The following ARMC8 variants were observed in gnomAD, a reference collection of about 807,000 sequenced individuals.
ARMC8 encodes armadillo repeat containing 8.
A neutral mutation model predicts 99.3 loss-of-function variants in ARMC8; 20 were observed. The ratio of observed to expected loss-of-function variants is 0.20; its 90% CI spans 0.14 to 0.29. The LOEUF (loss-of-function observed/expected upper bound fraction) is 0.29, where lower values mean the gene tolerates loss of function less well. ARMC8 is among the 10% of genes least tolerant of loss of function. The pLI is 1.00. For synonymous variants in ARMC8, 263 were observed against 278.3 expected (o/e 0.95, Z 0.55); for missense variants, 569 against 809.5 (o/e 0.70, Z 3.60).
rs115446752 is a variant in ARMC8, at chr3:138,249,926, C to T, written c.1134+4743C>T. Reference sequence around the variant, plus strand: ...TTTATCCATGGAGCTATCCTTGAGTCAATTTGGAATTTAATAGCTTAATTT... The same window carrying T: ...TTTATCCATGGAGCTATCCTTGAGTTAATTTGGAATTTAATAGCTTAATTT... On this transcript the variant is annotated intron_variant, in intron 12 of 21. Coordinates refer to ENST00000469044, the MANE Select transcript of ARMC8 (RefSeq NM_001363941.2). Among the ~76,000 whole-genome samples the T allele has an allele frequency of 6.0e-3, 913 of 152,186 alleles. 8 individuals carry two copies. Among genetic ancestry groups the T allele is most frequent in the African/African-American group, 0.018 (748 of 41,522 alleles).
chr3:138,276,014 C>CTTT (rs2049257548), intron 18 of ARMC8, among the ~76,000 whole-genome samples: 1 of 152,014 alleles, frequency 6.6e-6, no homozygotes, highest in Non-Finnish European at 1.5e-5. Flanking sequence ...TGAATTTTGT[C>CTTT]TATAAAGACA....
intron 1 of ARMC8, among the ~76,000 whole-genome samples, chr3:138,204,828 T>G (rs2044271130): frequency 6.6e-6 from 1 of 152,118 alleles, no homozygotes; most frequent in African/African-American, 2.4e-5. Context: ...CTTAGTTAAT[T>G]AATTTCATTA....
At chr3:138,202,447 A>G (rs906271729) in intron 1 of ARMC8, among the ~76,000 whole-genome samples, 3 of 152,186 alleles carry the variant, frequency 2.0e-5, no homozygotes, top group African/African-American at 7.2e-5. Flanking sequence ...TTAACCATGA[A>G]TGTGAATAAC....
At chr3:138,225,354 C>G (rs548584044) in intron 5 of ARMC8, among the ~76,000 whole-genome samples, 2 of 152,232 alleles carry the variant, frequency 1.3e-5, no homozygotes, top group African/African-American at 4.8e-5. Flanking sequence ...CATGATCTGC[C>G]CGCCTCGGCC....
intron 12 of ARMC8, among the ~76,000 whole-genome samples, chr3:138,248,408 C>G (rs1485004847): frequency 6.6e-6 from 1 of 152,182 alleles, no homozygotes; most frequent in Non-Finnish European, 1.5e-5. Flanking sequence ...AAAATTAGCT[C>G]TCATCTCTGC....
chr3:138,220,986 G>A (rs763945230), intron 2 of ARMC8, among the ~76,000 whole-genome samples: 30 of 152,018 alleles, frequency 2.0e-4, no homozygotes, highest in Non-Finnish European at 4.0e-4. Context: ...CACCGTGCCC[G>A]GCCAGGGAAG....
chr3:138,236,987 G>A (rs193136049), intron 7 of ARMC8, among the ~76,000 whole-genome samples: 1 of 152,180 alleles, frequency 6.6e-6, no homozygotes, highest in African/African-American at 2.4e-5. Flanking sequence ...AAGCCACTTG[G>A]TAATTAATTG....
intron 15 of ARMC8, among the ~76,000 whole-genome samples, chr3:138,268,928 A>G (rs2048529831): frequency 6.6e-6 from 1 of 152,162 alleles, no homozygotes; most frequent in Non-Finnish European, 1.5e-5. Context: ...CCTTTCCTGA[A>G]TTTGGTAACT....
At chr3:138,213,731 TGAA>T (rs576382169) in intron 2 of ARMC8, among the ~76,000 whole-genome samples, 14 of 152,302 alleles carry the variant, frequency 9.2e-5, no homozygotes, top group African/African-American at 2.2e-4. Context: ...ATCTCATACT[TGAA>T]GAAGAAGAAG....
At position 138,228,981 on chromosome 3, in the gene ARMC8, A is replaced by C. The variant is rs1576682972; in HGVS notation, c.499A>C (p.Ile167Leu). Residue 167 changes from isoleucine (I) to leucine (L), a missense_variant, in exon 6 of 22, where the codon ATC becomes CTC. Ile to Leu is a conservative substitution (Grantham distance 5). Transcript: ENST00000469044. ...LSRSRYTQEY[I>L]CQIFSHCCKG... ...CAGGTCCCGCTATACCCAGGAGTAC[A>C]TCTGTCAGATCTTCTCACACTGCTG... The C allele has an allele frequency of 1.2e-6, 2 of 1,609,888 alleles. No individual in the cohort carries two copies. Among genetic ancestry groups the C allele is most frequent in the East Asian group, 4.5e-5 (2 of 44,692 alleles).
chr3:138,235,678 G>T (rs1312193493), intron 7 of ARMC8, among the ~76,000 whole-genome samples: 1 of 152,038 alleles, frequency 6.6e-6, no homozygotes, highest in Non-Finnish European at 1.5e-5. Context: ...GCAAATATTG[G>T]CATGTAGTCT....
intron 1 of ARMC8, among the ~76,000 whole-genome samples, chr3:138,192,256 T>G (rs1277968751): frequency 6.6e-6 from 1 of 151,764 alleles, no homozygotes; most frequent in Non-Finnish European, 1.5e-5. Context: ...GTTGAGAATA[T>G]TTTTATTATT....
intron 17 of ARMC8, among the ~76,000 whole-genome samples, chr3:138,273,986 T>G (rs1192666793): frequency 6.6e-6 from 1 of 152,032 alleles, no homozygotes; most frequent in Non-Finnish European, 1.5e-5. Context: ...CCAGCTAATT[T>G]TTTGTATTTG....
intron 1 of ARMC8, among the ~76,000 whole-genome samples, chr3:138,196,867 C>CA (rs1039729058): frequency 6.6e-6 from 1 of 151,836 alleles, no homozygotes; most frequent in African/African-American, 2.4e-5. Context: ...AACTCCGTCT[C>CA]AAAAAAAATT....
intron 10 of ARMC8, among the ~76,000 whole-genome samples, chr3:138,240,299 G>A (rs2046548688): frequency 6.6e-6 from 1 of 152,122 alleles, no homozygotes; most frequent in African/African-American, 2.4e-5. Flanking sequence ...TTGTTCAAAA[G>A]GTGATCCCAA....
chr3:138,270,606 GA>G (rs1395411508), intron 16 of ARMC8, among the ~76,000 whole-genome samples: 3 of 152,032 alleles, frequency 2.0e-5, no homozygotes, highest in African/African-American at 7.2e-5. Context: ...AGTACAACAT[GA>G]TGTTTTGAAA....
At chr3:138,265,060 G>A (rs765917098) in intron 14 of ARMC8, among the ~76,000 whole-genome samples, 32 of 151,870 alleles carry the variant, frequency 2.1e-4, no homozygotes, top group Non-Finnish European at 8.8e-5. Context: ...ACTATGCCTG[G>A]CTAATTTTTT....
Position 138,241,926 on chromosome 3 carries a change from G to A in ARMC8, c.981G>A (p.Met327Ile). Residue 327 changes from methionine (M) to isoleucine (I), a missense_variant, in exon 11 of 22, where the codon ATG becomes ATA. Coordinates refer to ENST00000469044, the MANE Select transcript of ARMC8 (RefSeq NM_001363941.2). ...GCATAACTGATCACCTCATTGCCAT[G>A]CTTGCTGATTATTTCAAGTATCCCA... is the stretch of plus-strand genomic sequence containing the variant. ...IASITDHLIA[M>I]LADYFKYPSS... The A allele has an allele frequency of 1.9e-6, 3 of 1,614,020 alleles. No individual in the cohort carries two copies. Among genetic ancestry groups the A allele is most frequent in the Non-Finnish European group, 2.5e-6 (3 of 1,179,966 alleles).
chr3:138,284,670 T>C lies in ARMC8; in HGVS notation c.1821+144T>C, dbSNP rs2050236960. On this transcript the variant is annotated intron_variant, in intron 19 of 21. Transcript: ENST00000469044. ...CTCAGATTCAAAGAACTCTCTTCCA[T>C]CCTGAAGAAAAAGAAAAAAACACCA... The C allele has an allele frequency of 6.3e-6, 4 of 633,018 alleles. No homozygotes were observed. The South Asian group carries it at 9.2e-5, about 15-fold the overall frequency. The allele number at this position is 633,018 out of a possible 1,614,324, so 39.2% of individuals were successfully genotyped here.
Sources: allele counts gnomAD v4.1 joint callset (sites outside exome capture counted in the v4.1 genomes callset), GRCh38; gene constraint gnomAD v4.1.1; transcripts MANE v1.5; gene names NCBI Gene and HGNC (gene_info 2026-07-23, HGNC 2026-07-21).